Variants in CADM2 observed in about 807,000 individuals in gnomAD.
CADM2 encodes the protein cell adhesion molecule 2.
A neutral mutation model predicts 49.8 loss-of-function variants in CADM2; 12 were observed. The observed-to-expected ratio is 0.24, with a 90% confidence interval of 0.15 to 0.39. The LOEUF (loss-of-function observed/expected upper bound fraction) is 0.39. Ranked by LOEUF, CADM2 falls within the 10% of genes least tolerant of loss-of-function variation. The probability of loss-of-function intolerance (pLI) is 1.00; values close to 1 mark genes in which losing one functional copy is unlikely to be tolerated. For synonymous variants in CADM2, 214 were observed against 175.4 expected, an observed-to-expected ratio of 1.22 and a Z score of -1.74; for missense variants, 378 against 492.3, an observed-to-expected ratio of 0.77 and a Z score of 2.20.
chr3:85,031,557 C>A (rs950071506), intron 1 of CADM2, among the ~76,000 whole-genome samples: 1 of 152,102 alleles, frequency 6.6e-6, no homozygotes, highest in Non-Finnish European at 1.5e-5. Context: ...CTCTGTCGCC[C>A]GGGCTGGAGT....
chr3:85,316,396 T>G (rs2044464747), intron 1 of CADM2, among the ~76,000 whole-genome samples: 1 of 152,188 alleles, frequency 6.6e-6, no homozygotes. Context: ...ATCCTCTGCT[T>G]AGTATGCGGC....
intron 8 of CADM2, chr3:86,013,886 A>C: frequency 1.3e-6 from 2 of 1,595,050 alleles, no homozygotes; most frequent in South Asian, 2.2e-5. Flanking sequence ...GACTTTTAGA[A>C]AAATATCCCC....
chr3:85,884,956 G>T (rs2108396441), intron 4 of CADM2, among the ~76,000 whole-genome samples: 1 of 149,176 alleles, frequency 6.7e-6, no homozygotes, highest in South Asian at 2.2e-4. Context: ...AGATGGTCTC[G>T]ATCACTTGAC....
intron 1 of CADM2, among the ~76,000 whole-genome samples, chr3:85,715,155 C>T (rs1358615634): frequency 2.0e-5 from 3 of 152,258 alleles, no homozygotes; most frequent in African/African-American, 4.8e-5. Context: ...GCTTATGACA[C>T]ATAATTTTTT....
At chr3:85,373,522 G>A (rs1453962168) in intron 1 of CADM2, among the ~76,000 whole-genome samples, 1 of 152,068 alleles carries the variant, frequency 6.6e-6, no homozygotes, top group Non-Finnish European at 1.5e-5. Flanking sequence ...ACCATTCTGG[G>A]GTGGCCCTCT....
intron 1 of CADM2, among the ~76,000 whole-genome samples, chr3:85,191,149 A>G (rs1264427594): frequency 1.3e-5 from 2 of 152,012 alleles, no homozygotes; most frequent in Non-Finnish European, 2.9e-5. Flanking sequence ...TGGAAAATTA[A>G]TAGCAATATA....
At chr3:85,886,114 T>A (rs1344133886) in intron 4 of CADM2, 76 bp from the exon 5 acceptor site, 1 of 1,570,846 alleles carries the variant, frequency 6.4e-7, no homozygotes. Flanking sequence ...TTCAGTTTCA[T>A]GTGTGAAAGT....
intron 1 of CADM2, among the ~76,000 whole-genome samples, chr3:85,575,653 G>A (rs2062611430): frequency 6.6e-6 from 1 of 152,180 alleles, no homozygotes; most frequent in Admixed American, 6.5e-5. Context: ...AAGAAGATAG[G>A]ATTATAGAAC....
chr3:85,070,905 C>T (rs553247131), intron 1 of CADM2, among the ~76,000 whole-genome samples: 7 of 151,920 alleles, frequency 4.6e-5, no homozygotes, highest in Non-Finnish European at 1.0e-4. Flanking sequence ...AGGAGAATGG[C>T]GTGAACCCAG....
At chr3:85,622,699 G>T (rs1332185146) in intron 1 of CADM2, among the ~76,000 whole-genome samples, 1 of 151,990 alleles carries the variant, frequency 6.6e-6, no homozygotes, top group Non-Finnish European at 1.5e-5. Flanking sequence ...TACTTATCAT[G>T]GTTAATTTAA....
At chr3:85,522,627 C>CT (rs1416005717) in intron 1 of CADM2, among the ~76,000 whole-genome samples, 1 of 152,026 alleles carries the variant, frequency 6.6e-6, no homozygotes, top group Non-Finnish European at 1.5e-5. Flanking sequence ...CATATATTAA[C>CT]TGTTTTTGGA....
intron 8 of CADM2, among the ~76,000 whole-genome samples, chr3:85,997,034 G>A (rs777262599): frequency 6.6e-6 from 1 of 152,156 alleles, no homozygotes; most frequent in Non-Finnish European, 1.5e-5. Context: ...AGGTGTAATT[G>A]CTTTGTCTTC....
intron 2 of CADM2, among the ~76,000 whole-genome samples, chr3:85,751,400 A>T (rs540125102): frequency 6.6e-6 from 1 of 152,286 alleles, no homozygotes; most frequent in East Asian, 1.9e-4. Flanking sequence ...TACAATATTT[A>T]TCATCTTAAT....
chr3:85,072,693 C>T (rs796493127), intron 1 of CADM2, among the ~76,000 whole-genome samples: 6 of 152,082 alleles, frequency 3.9e-5, no homozygotes, highest in African/African-American at 1.4e-4. Context: ...GTCTATTAAC[C>T]ATCTACCGTC....
At chr3:85,249,705 C>T (rs2042730306) in intron 1 of CADM2, among the ~76,000 whole-genome samples, 1 of 151,712 alleles carries the variant, frequency 6.6e-6, no homozygotes, top group African/African-American at 2.4e-5. Context: ...GACCATAAGA[C>T]CACATTGCAA....
intron 8 of CADM2, among the ~76,000 whole-genome samples, chr3:86,018,862 G>A (rs1732708953): frequency 6.6e-6 from 1 of 150,690 alleles, no homozygotes; most frequent in Admixed American, 6.6e-5. Flanking sequence ...CTTTTGCTGT[G>A]CAGAAGCTCT....
intron 1 of CADM2, among the ~76,000 whole-genome samples, chr3:85,565,432 G>T (rs747252099): frequency 1.6e-4 from 24 of 152,032 alleles, no homozygotes; most frequent in Non-Finnish European, 3.5e-4. Context: ...TCTGCTGAAG[G>T]AATGATACAA....
chr3:85,653,921 A>C (rs2107590047), intron 1 of CADM2, among the ~76,000 whole-genome samples: 1 of 152,362 alleles, frequency 6.6e-6, no homozygotes, highest in Non-Finnish European at 1.5e-5. Flanking sequence ...CAGTTTCAAA[A>C]GTCAAATGAA....
At chr3:85,791,061 A>C (rs1173486260) in intron 2 of CADM2, among the ~76,000 whole-genome samples, 1 of 152,170 alleles carries the variant, frequency 6.6e-6, no homozygotes, top group Non-Finnish European at 1.5e-5. Flanking sequence ...ACAAACCTAA[A>C]AGCTGCAATA....
Sources: gnomAD v4.1 joint callset for allele counts (sites outside exome capture counted in the v4.1 genomes callset) on GRCh38, gnomAD v4.1.1 for gene constraint, MANE v1.5 for transcripts, NCBI Gene and HGNC (gene_info 2026-07-23, HGNC 2026-07-21) for gene names.